Variants in KCNJ1 observed in about 807,000 individuals in gnomAD.
KCNJ1 encodes the protein potassium inwardly rectifying channel subfamily J member 1.
In KCNJ1, 24 loss-of-function variants were observed where a neutral mutation model predicts 21.9. That is an observed-to-expected ratio of 1.10 (90% CI 0.79 to 1.54). The LOEUF (loss-of-function observed/expected upper bound fraction) is 1.54. Among genes scored for constraint, KCNJ1 ranks in the 40% most tolerant of loss-of-function variants. The pLI is 0.00. For synonymous variants in KCNJ1, 152 were observed against 160.9 expected (o/e 0.94, Z 0.42); for missense variants, 457 against 455.4 (o/e 1.00, Z -0.03).
intron 1 of KCNJ1, among the ~76,000 whole-genome samples, chr11:128,863,350 C>G (rs569214525): frequency 6.6e-6 from 1 of 152,238 alleles, no homozygotes; most frequent in East Asian, 1.9e-4. Flanking sequence ...AAGGATTATT[C>G]AAAAAGAATC....
chr11:128,855,936 T>C (rs1026898840), intron 1 of KCNJ1, among the ~76,000 whole-genome samples: 3 of 152,214 alleles, frequency 2.0e-5, no homozygotes, highest in African/African-American at 7.2e-5. Context: ...GGTACCACTG[T>C]GCCTGTGTGA....
intron 1 of KCNJ1, among the ~76,000 whole-genome samples, chr11:128,851,522 C>T (rs567828528): frequency 2.0e-5 from 3 of 152,300 alleles, no homozygotes; most frequent in Admixed American, 6.5e-5. Flanking sequence ...CAGCCACCCA[C>T]CTCAAATGGC....
intron 1 of KCNJ1, among the ~76,000 whole-genome samples, chr11:128,855,584 G>A (rs1943573327): frequency 6.6e-6 from 1 of 152,230 alleles, no homozygotes; most frequent in Non-Finnish European, 1.5e-5. Flanking sequence ...TAGGCTATAA[G>A]GCGGTGTAGA....
chr11:128,864,459 T>C (rs1458511777), intron 1 of KCNJ1, among the ~76,000 whole-genome samples: 1 of 152,132 alleles, frequency 6.6e-6, no homozygotes, highest in Non-Finnish European at 1.5e-5. Context: ...AAGATGTTTG[T>C]TTTTGTTGTT....
chr11:128,862,913 G>A (rs997051873), intron 1 of KCNJ1, among the ~76,000 whole-genome samples: 4 of 152,276 alleles, frequency 2.6e-5, no homozygotes, highest in African/African-American at 9.6e-5. Flanking sequence ...CTCATCACTG[G>A]ACTCGGACTC....
At chr11:128,850,991 G>A (rs1031734257) in intron 1 of KCNJ1, 101 bp from the exon 2 acceptor site, 60 of 506,160 alleles carry the variant, frequency 1.2e-4, no homozygotes, top group Non-Finnish European at 1.5e-4. Context: ...GGAACACACA[G>A]GACCCTCCAC....
chr11:128,847,037 C>T (rs1051463764), intron 2 of KCNJ1, among the ~76,000 whole-genome samples: 8 of 152,216 alleles, frequency 5.3e-5, no homozygotes, highest in Middle Eastern at 3.4e-3. Flanking sequence ...CTGTTTCTTT[C>T]CCCAGAACAG....
intron 1 of KCNJ1, among the ~76,000 whole-genome samples, chr11:128,860,689 G>A (rs1212824840): frequency 2.0e-5 from 3 of 152,226 alleles, no homozygotes; most frequent in African/African-American, 7.2e-5. Flanking sequence ...CCAAGGGGCA[G>A]GCGGGATGCA....
At chr11:128,849,039 C>T (rs1334067367) in intron 2 of KCNJ1, among the ~76,000 whole-genome samples, 2 of 152,180 alleles carry the variant, frequency 1.3e-5, no homozygotes, top group Non-Finnish European at 2.9e-5. Flanking sequence ...CAGCGGTGCC[C>T]CTCTGGAGTA....
intron 1 of KCNJ1, among the ~76,000 whole-genome samples, chr11:128,859,695 C>G (rs1943663216): frequency 6.6e-6 from 1 of 152,212 alleles, no homozygotes; most frequent in African/African-American, 2.4e-5. Flanking sequence ...CCTCCCTTCC[C>G]TGCGTGCCCT....
intron 1 of KCNJ1, among the ~76,000 whole-genome samples, chr11:128,858,883 T>C (rs879783056): frequency 3.3e-5 from 5 of 152,226 alleles, no homozygotes; most frequent in Admixed American, 2.0e-4. Flanking sequence ...AAGAAACTCA[T>C]TAAAACTCAT....
chr11:128,866,237 C>T (rs545840206), intron 1 of KCNJ1, among the ~76,000 whole-genome samples: 39 of 152,290 alleles, frequency 2.6e-4, no homozygotes, highest in Middle Eastern at 3.4e-3. Flanking sequence ...TGCCCTCCAG[C>T]CCCAGGGCTA....
intron 1 of KCNJ1, among the ~76,000 whole-genome samples, chr11:128,859,699 G>A (rs1284669767): frequency 6.6e-6 from 1 of 152,158 alleles, no homozygotes; most frequent in Non-Finnish European, 1.5e-5. Flanking sequence ...CCTTCCCTGC[G>A]TGCCCTCTCC....
Position 128,840,190 on chromosome 11 carries a change from C to CAAAAAAG in KCNJ1, c.53_54insCTTTTTT (p.Gln19PhefsTer39). On this transcript the variant is annotated frameshift_variant, in exon 3 of 3. Transcript: ENST00000392666. LOFTEE classifies it high-confidence loss of function. ...CTTTGGAGACTAGCCTTGCTCTTTG[C>CAAAAAAG]CGAGAATGCCCAAAAAAGCGAGTGA... is the stretch of plus-strand genomic sequence containing the variant. The CAAAAAAG allele has an allele frequency of 6.2e-7, 1 of 1,614,108 alleles. No individual in the cohort carries two copies. The highest frequency in any genetic ancestry group is 8.5e-7 in the Non-Finnish European group (1 of 1,180,010).
In KCNJ1 at chr11:128,838,972, G is replaced by T; in HGVS notation, c.*153C>A. Reference sequence around the variant, plus strand: ...GCCTTGTGGAGATGCATGTCTTGTGGGATCACAATTGCGGGGCTCAGGGGT... The same window carrying T: ...GCCTTGTGGAGATGCATGTCTTGTGTGATCACAATTGCGGGGCTCAGGGGT... On this transcript the variant is annotated 3_prime_UTR_variant, in exon 3 of 3. Transcript: ENST00000392666. 1 of 672,026 alleles carries T rather than the reference G, an allele frequency of 1.5e-6. No individual in the cohort carries two copies. The highest frequency in any genetic ancestry group is 2.6e-6 in the Non-Finnish European group (1 of 383,466). 41.6% of individuals were successfully genotyped at this position (672,026 alleles called of 1,614,324 possible).
rs941009351 is a variant in KCNJ1 at position 128,840,165 on chromosome 11, C to T, written c.79G>A (p.Asp27Asn). The change falls in exon 3 of 3, where the codon GAT becomes AAT. Residue 27 changes from aspartate to asparagine, a missense_variant. Coordinates refer to ENST00000392666, the MANE Select transcript of KCNJ1 (RefSeq NM_153766.3). The stretch of plus-strand genomic sequence containing the variant: ...CCAAATTCTATGTTGCACCTTCCAT[C>T]TTTGGAGACTAGCCTTGCTCTTTGC... ...SRQRARLVSKDGRCNIEFGNV... is the reference protein window; with the variant it reads ...SRQRARLVSKNGRCNIEFGNV... The T allele has an allele frequency of 4.3e-6, 7 of 1,614,088 alleles. No individual in the cohort carries two copies. The African/African-American group carries it at 9.3e-5, about 22-fold the overall frequency.
In KCNJ1 at chr11:128,842,319, A is replaced by T; in HGVS notation, c.-21-2055T>A. The T allele has an allele frequency of 3.2e-6, 5 of 1,563,112 alleles. No individual in the cohort carries two copies. In the South Asian group the frequency reaches 5.6e-5, roughly 17 times the overall value. ...AATAACGTTGAGTTTCCATGACTGC[A>T]TTAATGATGAAACATTATCTGCCTG... On this transcript the variant is annotated intron_variant, in intron 2 of 2. Transcript: ENST00000392666.
chr11:128,842,720 G>T (rs1192043901), intron 2 of KCNJ1, among the ~76,000 whole-genome samples: 1 of 152,160 alleles, frequency 6.6e-6, no homozygotes, highest in Non-Finnish European at 1.5e-5. Flanking sequence ...CATGGATTGG[G>T]TTCCAGCATT....
chr11:128,860,008 C>A (rs1267614263), intron 1 of KCNJ1, among the ~76,000 whole-genome samples: 1 of 152,232 alleles, frequency 6.6e-6, no homozygotes, highest in Non-Finnish European at 1.5e-5. Flanking sequence ...GGGCCTCCCG[C>A]TTACCAGCAG....
Sources: gnomAD v4.1 joint callset for allele counts (sites outside exome capture counted in the v4.1 genomes callset) on GRCh38, gnomAD v4.1.1 for gene constraint, MANE v1.5 for transcripts, NCBI Gene and HGNC (gene_info 2026-07-23, HGNC 2026-07-21) for gene names.